The following CA2 variants were observed in gnomAD, a reference collection of about 807,000 sequenced individuals.
CA2 encodes carbonic anhydrase 2, also known as carbonate dehydratase II.
In CA2, 23 loss-of-function variants were observed where a neutral mutation model predicts 27.8. The observed-to-expected ratio is 0.83, with a 90% CI of 0.59 to 1.17. The LOEUF is 1.17. CA2 is among the 50% of genes most tolerant of loss of function. The probability of loss-of-function intolerance (pLI) is 0.00; values close to 1 mark genes in which losing one functional copy is unlikely to be tolerated. For synonymous variants in CA2, 99 were observed against 114.9 expected (o/e 0.86, Z 0.88); for missense variants, 300 against 314.7 (o/e 0.95, Z 0.35).
chr8:85,470,896 A>G lies in CA2; in HGVS notation c.233-2797A>G, dbSNP rs989484857. On this transcript the variant is annotated intron_variant, in intron 2 of 6. Transcript: ENST00000285379. Reference sequence around the variant, plus strand: ...AGAACCCATTTCTGGGGTACAATGAATCATTGACTCTTTAAAGCACCACTG... The same window carrying G: ...AGAACCCATTTCTGGGGTACAATGAGTCATTGACTCTTTAAAGCACCACTG... Among the ~76,000 whole-genome samples the G allele has an allele frequency of 3.5e-4, 54 of 152,224 alleles. 1 individual carries two copies. Among genetic ancestry groups the G allele is most frequent in the African/African-American group, 1.3e-3 (52 of 41,556 alleles).
chr8:85,469,367 T>G (rs1258648318), intron 2 of CA2, among the ~76,000 whole-genome samples: 2 of 152,218 alleles, frequency 1.3e-5, no homozygotes, highest in African/African-American at 4.8e-5. Context: ...AACTTGGGTA[T>G]CAGGAACTGA....
chr8:85,470,612 A>AT (rs1383473515), intron 2 of CA2, among the ~76,000 whole-genome samples: 1 of 152,168 alleles, frequency 6.6e-6, no homozygotes, highest in Non-Finnish European at 1.5e-5. Context: ...TCATTTCAAT[A>AT]TTACTGGATT....
chr8:85,480,583 G>A (rs957096381), intron 6 of CA2, 87 bp from the exon 7 acceptor site: 16 of 1,368,310 alleles, frequency 1.2e-5, no homozygotes, highest in African/African-American at 5.8e-5. Flanking sequence ...GCGCCTGGCC[G>A]GGGAATGTAT....
intron 5 of CA2, among the ~76,000 whole-genome samples, chr8:85,476,657 A>T (rs1811803644): frequency 2.0e-5 from 3 of 152,156 alleles, no homozygotes; most frequent in African/African-American, 4.8e-5. Flanking sequence ...CCAGTAAATC[A>T]TTCCTGTTTG....
At chr8:85,476,517 C>T (rs988850385) in intron 5 of CA2, among the ~76,000 whole-genome samples, 2 of 152,198 alleles carry the variant, frequency 1.3e-5, no homozygotes, top group Non-Finnish European at 2.9e-5. Flanking sequence ...TAAACCTGAT[C>T]TCTCTTCCAA....
intron 2 of CA2, among the ~76,000 whole-genome samples, chr8:85,470,813 G>A (rs1454150739): frequency 6.6e-6 from 1 of 151,374 alleles, no homozygotes; most frequent in African/African-American, 2.4e-5. Flanking sequence ...ATTAAATTGG[G>A]GGGGGTCTTG....
In CA2 at chr8:85,477,146, C is replaced by T. The variant is rs17850824; in HGVS notation, c.534C>T (p.Phe178=). The T allele has an allele frequency of 2.3e-5, 37 of 1,614,050 alleles. No homozygotes were observed. In the Admixed American group the frequency reaches 4.0e-4, roughly 17 times the overall value. Residue 178 remains phenylalanine, a synonymous_variant, in exon 6 of 7, where the codon TTC becomes TTT. Transcript: ENST00000285379. The part of the protein sequence containing the change: ...TKGKSADFTN[F]DPRGLLPESL... ...GCAAGAGTGCTGACTTCACTAACTTCGATCCTCGTGGCCTCCTTCCTGAAT... is the reference window on the plus strand; with the variant it reads ...GCAAGAGTGCTGACTTCACTAACTTTGATCCTCGTGGCCTCCTTCCTGAAT...
At position 85,474,521 on chromosome 8, in the gene CA2, C is replaced by G. The variant is rs1457204586; in HGVS notation, c.444+105C>G. On this transcript the variant is annotated intron_variant, in intron 4 of 6. Coordinates refer to ENST00000285379, the MANE Select transcript of CA2 (RefSeq NM_000067.3). ...ATTCTACAAAAGAGCTTAGGAAATG[C>G]CTTTGTCCCTGAAATGTTTTCAAGT... The G allele has an allele frequency of 9.0e-6, 8 of 888,026 alleles. No homozygotes were observed. The South Asian group carries it at 1.1e-4, about 12-fold the overall frequency. 55.0% of individuals were successfully genotyped at this position (888,026 alleles called of 1,614,324 possible). A position where few individuals can be genotyped will look rare whatever the true frequency, so the allele number is the denominator to read the frequency against.
chr8:85,475,644 G>T (rs554234681), intron 4 of CA2, among the ~76,000 whole-genome samples, 154 bp from the exon 5 acceptor site: 22 of 152,124 alleles, frequency 1.4e-4, no homozygotes, highest in Admixed American at 1.4e-3. Context: ...TATGGTGTCA[G>T]TGTCATCAAG....
At position 85,477,146 on chromosome 8, in the gene CA2, C is replaced by A; in HGVS notation, c.534C>A (p.Phe178Leu). Residue 178 changes from phenylalanine to leucine, a missense_variant, in exon 6 of 7, where the codon TTC (phenylalanine) becomes TTA (leucine). By Grantham distance (22) the Phe-to-Leu change is conservative. This residue lies in a region of CA2 where 173 missense variants were observed against 161.0 expected (regional missense o/e 1.07). Coordinates refer to ENST00000285379, the MANE Select transcript of CA2 (RefSeq NM_000067.3). ...GCAAGAGTGCTGACTTCACTAACTTCGATCCTCGTGGCCTCCTTCCTGAAT... is the reference window on the plus strand; with the variant it reads ...GCAAGAGTGCTGACTTCACTAACTTAGATCCTCGTGGCCTCCTTCCTGAAT... ...TKGKSADFTNFDPRGLLPESL... is the reference protein window; with the variant it reads ...TKGKSADFTNLDPRGLLPESL... 1 of 1,614,050 alleles carries A rather than the reference C, an allele frequency of 6.2e-7. No homozygotes were observed. The highest frequency in any genetic ancestry group is 8.5e-7 in the Non-Finnish European group (1 of 1,179,964).
intron 2 of CA2, among the ~76,000 whole-genome samples, chr8:85,468,692 G>A (rs1181649092): frequency 3.3e-5 from 5 of 152,042 alleles, no homozygotes; most frequent in Non-Finnish European, 5.9e-5. Context: ...CCCGGGAGGC[G>A]GAGGTCGCAG....
chr8:85,477,013 T>C (rs1457709740), intron 5 of CA2, 107 bp from the exon 6 acceptor site: 3 of 1,056,738 alleles, frequency 2.8e-6, no homozygotes, highest in Admixed American at 3.4e-5. Flanking sequence ...TTAAAAAGTG[T>C]TTTTGACCAT....
chr8:85,474,932 G>C (rs2130560219), intron 4 of CA2, among the ~76,000 whole-genome samples: 1 of 152,186 alleles, frequency 6.6e-6, no homozygotes, highest in East Asian at 1.9e-4. Flanking sequence ...GCACGAAGAG[G>C]GAGATGAGAA....
intron 2 of CA2, among the ~76,000 whole-genome samples, chr8:85,470,490 T>C (rs1170982715): frequency 6.6e-6 from 1 of 152,166 alleles, no homozygotes; most frequent in African/African-American, 2.4e-5. Flanking sequence ...TTGACATTCA[T>C]TACGGTCTTT....
At chr8:85,473,935 A>ACCT in intron 3 of CA2, 124 bp downstream of exon 3, 1 of 725,126 alleles carries the variant, frequency 1.4e-6, no homozygotes, top group Non-Finnish European at 2.5e-6. Context: ...TTTACAAAGG[A>ACCT]CCTTCACATT....
In CA2 at chr8:85,479,960, T is replaced by C. The variant is rs141128856; in HGVS notation, c.664-710T>C. 3.4e-3 allele frequency among the ~76,000 whole-genome samples: 517 copies of C among 152,280 alleles called. 4 individuals are homozygous for C. The highest frequency in any genetic ancestry group is 0.012 in the African/African-American group (487 of 41,570). The stretch of plus-strand genomic sequence containing the variant: ...ATCACTTGATCTAATTGTATGGATG[T>C]GGTAGTTTGTCTTCCCTGGGGCAGA... On this transcript the variant is annotated intron_variant, in intron 6 of 6. Transcript: ENST00000285379.
intron 2 of CA2, among the ~76,000 whole-genome samples, chr8:85,467,791 T>G (rs1184947319): frequency 1.3e-5 from 2 of 152,234 alleles, no homozygotes; most frequent in Admixed American, 1.3e-4. Flanking sequence ...CTATTTCTTC[T>G]GGAGAGCAAT....
At chr8:85,470,353 A>G (rs1470672268) in intron 2 of CA2, among the ~76,000 whole-genome samples, 1 of 152,220 alleles carries the variant, frequency 6.6e-6, no homozygotes, top group African/African-American at 2.4e-5. Context: ...AAAAGATGGT[A>G]CCGAAAATGA....
rs754435155 is a variant in CA2, at chr8:85,477,266, C to G, written c.654C>G (p.Ser218Arg). ...WIVLKEPISV[S>R]SEQVLKFRKL... Reference sequence around the variant, plus strand: ...TGCTCAAGGAACCCATCAGCGTCAGCAGCGAGCAGGTTTGTTTTGTAATGA... The same window carrying G: ...TGCTCAAGGAACCCATCAGCGTCAGGAGCGAGCAGGTTTGTTTTGTAATGA... The change falls in exon 6 of 7, where the codon AGC becomes AGG. Residue 218 changes from serine (S) to arginine (R), a missense_variant. Ser to Arg is a moderately radical substitution (Grantham distance 110). This residue lies in a region of CA2 where 173 missense variants were observed against 161.0 expected (regional missense o/e 1.07). Coordinates refer to ENST00000285379, the MANE Select transcript of CA2 (RefSeq NM_000067.3). 1.7e-5 allele frequency: 28 copies of G among 1,613,936 alleles called. No homozygotes were observed. Among genetic ancestry groups the G allele is most frequent in the Non-Finnish European group, 2.4e-5 (28 of 1,179,960 alleles).
Sources: allele counts gnomAD v4.1 joint callset (sites outside exome capture counted in the v4.1 genomes callset), GRCh38; gene constraint gnomAD v4.1.1; regional missense constraint gnomAD v4.1.1; transcripts MANE v1.5; gene names NCBI Gene and HGNC (gene_info 2026-07-23, HGNC 2026-07-21).